IMMP2L: variants seen among roughly 807,000 people sequenced by gnomAD.
IMMP2L encodes the protein mitochondrial inner membrane protease subunit 2.
In IMMP2L, 18 loss-of-function variants were observed where a neutral mutation model predicts 19.3. The ratio of observed to expected loss-of-function variants is 0.93; its 90% CI spans 0.64 to 1.38. IMMP2L has a LOEUF of 1.38. IMMP2L is among the 40% of genes most tolerant of loss of function. The pLI, the probability that IMMP2L is intolerant of heterozygous loss-of-function variation, is 0.00. For synonymous variants in IMMP2L, 76 were observed against 73.0 expected, an observed-to-expected ratio of 1.04 and a Z score of -0.21; for missense variants, 233 against 218.2, an observed-to-expected ratio of 1.07 and a Z score of -0.43.
intron 3 of IMMP2L, among the ~76,000 whole-genome samples, chr7:111,271,764 G>T (rs773304537): frequency 2.0e-5 from 3 of 152,106 alleles, no homozygotes; most frequent in African/African-American, 7.2e-5. Context: ...ATATCTTGGA[G>T]AGTCCCTAAG....
chr7:111,527,479 C>A (rs1846988163), intron 1 of IMMP2L, among the ~76,000 whole-genome samples: 1 of 149,870 alleles, frequency 6.7e-6, no homozygotes, highest in Non-Finnish European at 1.5e-5. Context: ...TTCTTTATTT[C>A]TATAACTTTT....
chr7:111,475,567 C>T (rs1341815175), intron 3 of IMMP2L, among the ~76,000 whole-genome samples: 1 of 151,970 alleles, frequency 6.6e-6, no homozygotes, highest in Non-Finnish European at 1.5e-5. Context: ...TAGCAAGAAC[C>T]AGCGGACACT....
chr7:110,813,158 G>C (rs963564114), intron 5 of IMMP2L, among the ~76,000 whole-genome samples: 1 of 151,988 alleles, frequency 6.6e-6, no homozygotes, highest in Non-Finnish European at 1.5e-5. Flanking sequence ...AGAATGGAAA[G>C]AGGTACATGA....
chr7:111,036,599 C>CA (rs747781449), intron 3 of IMMP2L, among the ~76,000 whole-genome samples: 7 of 151,130 alleles, frequency 4.6e-5, no homozygotes, highest in East Asian at 1.9e-4. Context: ...ATAGTTTAGC[C>CA]AAAAAAAAGT....
chr7:111,119,993 A>G (rs888284784), intron 3 of IMMP2L, among the ~76,000 whole-genome samples: 3 of 152,198 alleles, frequency 2.0e-5, no homozygotes, highest in South Asian at 4.1e-4. Flanking sequence ...AACATAATTT[A>G]AAACAAAGAA....
intron 3 of IMMP2L, among the ~76,000 whole-genome samples, chr7:111,222,744 A>T (rs1168328985): frequency 6.6e-6 from 1 of 152,116 alleles, no homozygotes; most frequent in Admixed American, 6.6e-5. Context: ...ATAAAATAGC[A>T]AAACTACTTT....
chr7:111,447,523 C>T (rs1321865482), intron 3 of IMMP2L, among the ~76,000 whole-genome samples: 5 of 143,528 alleles, frequency 3.5e-5, no homozygotes, highest in African/African-American at 1.3e-4. Flanking sequence ...ATTTTGTCAC[C>T]ACCAGGCCTG....
Position 111,124,757 on chromosome 7 carries a change from T to A in IMMP2L, c.240-161192A>T, listed in dbSNP as rs764069033. ...AACTGTGATGGTGGACACAGCTATG[T>A]GAGGAATTACTTACAGAAACCAACC... On this transcript the variant is annotated intron_variant, in intron 3 of 5. Coordinates refer to ENST00000405709, the MANE Select transcript of IMMP2L (RefSeq NM_032549.4). 2.5e-6 allele frequency: 4 copies of A among 1,613,722 alleles called. No individual in the cohort carries two copies. In the Admixed American group the frequency reaches 5.0e-5, roughly 20 times the overall value.
intron 5 of IMMP2L, among the ~76,000 whole-genome samples, chr7:110,868,800 C>T (rs1345501181): frequency 6.6e-6 from 1 of 152,030 alleles, no homozygotes; most frequent in Non-Finnish European, 1.5e-5. Flanking sequence ...ATCCACTAGC[C>T]TGTCTCCATT....
chr7:111,545,084 A>G (rs952193539), intron 1 of IMMP2L, among the ~76,000 whole-genome samples: 1 of 152,122 alleles, frequency 6.6e-6, no homozygotes, highest in African/African-American at 2.4e-5. Context: ...CAGGAGAACA[A>G]AAGGACAACA....
intron 3 of IMMP2L, among the ~76,000 whole-genome samples, chr7:111,447,724 A>T (rs1359507581): frequency 6.6e-6 from 1 of 151,676 alleles, no homozygotes; most frequent in Non-Finnish European, 1.5e-5. Context: ...CTTTAAATGT[A>T]AATGGACTAA....
intron 5 of IMMP2L, among the ~76,000 whole-genome samples, chr7:110,881,523 A>G (rs1010996044): frequency 1.3e-5 from 2 of 152,218 alleles, no homozygotes; most frequent in African/African-American, 4.8e-5. Flanking sequence ...ACTACAAGCA[A>G]CAAGAAAATA....
rs2129544483 is a variant in IMMP2L, at chr7:110,877,098, A to G, written c.408+9495T>C. Among the ~76,000 whole-genome samples the G allele has an allele frequency of 6.6e-6, 1 of 152,310 alleles. No homozygotes were observed. Among genetic ancestry groups the G allele is most frequent in the Non-Finnish European group, 1.5e-5 (1 of 68,020 alleles). ...TACAGAGGGAAAGCAGCCATAGTCAATATGAAAGCCAGAGTGTGGCTGTGT... is the reference window on the plus strand; with the variant it reads ...TACAGAGGGAAAGCAGCCATAGTCAGTATGAAAGCCAGAGTGTGGCTGTGT... On this transcript the variant is annotated intron_variant, in intron 5 of 5. Coordinates refer to ENST00000405709, the MANE Select transcript of IMMP2L (RefSeq NM_032549.4). The surrounding 1 kb of genome is among the most constrained non-coding windows in gnomAD (Gnocchi z 4.0).
intron 3 of IMMP2L, among the ~76,000 whole-genome samples, chr7:111,143,227 C>T (rs1240440999): frequency 6.6e-6 from 1 of 152,078 alleles, no homozygotes; most frequent in Non-Finnish European, 1.5e-5. Context: ...AATTATGATA[C>T]TGTATAAATA....
intron 5 of IMMP2L, among the ~76,000 whole-genome samples, chr7:110,813,124 AGTT>A (rs772548590): frequency 9.2e-5 from 14 of 152,068 alleles, no homozygotes; most frequent in Non-Finnish European, 2.9e-5. Context: ...ATTGTGAAAA[AGTT>A]GTCATAAAAT....
intron 5 of IMMP2L, among the ~76,000 whole-genome samples, chr7:110,743,767 C>T (rs1400415479): frequency 2.0e-5 from 3 of 152,236 alleles, no homozygotes; most frequent in East Asian, 1.9e-4. Flanking sequence ...GCTTTCCCCA[C>T]GGTGATTCCT....
chr7:110,686,101 G>C (rs1477872599), intron 5 of IMMP2L, among the ~76,000 whole-genome samples: 1 of 152,056 alleles, frequency 6.6e-6, no homozygotes, highest in African/African-American at 2.4e-5. Flanking sequence ...CTATGTGACA[G>C]AACTGCATTC....
intron 5 of IMMP2L, among the ~76,000 whole-genome samples, chr7:110,674,158 GC>G (rs1456215387): frequency 5.3e-5 from 8 of 152,188 alleles, no homozygotes. Flanking sequence ...GGGGAAGCAA[GC>G]ATGTCCTTCT....
intron 5 of IMMP2L, among the ~76,000 whole-genome samples, chr7:110,771,200 G>T (rs1156764577): frequency 6.6e-5 from 10 of 152,146 alleles, no homozygotes; most frequent in Non-Finnish European, 4.4e-5. Flanking sequence ...GACTAGGTCA[G>T]GAAAACCACT....
Sources: gnomAD v4.1 joint callset for allele counts (sites outside exome capture counted in the v4.1 genomes callset) on GRCh38, gnomAD v4.1.1 for gene constraint, Gnocchi (gnomAD v3.1) non-coding constraint, MANE v1.5 for transcripts, NCBI Gene and HGNC (gene_info 2026-07-23, HGNC 2026-07-21) for gene names.